HDAC9: variants seen among roughly 807,000 people sequenced by gnomAD.
The protein encoded by HDAC9 is MEF-2 interacting transcription repressor (MITR) protein.
A neutral mutation model predicts 139.4 loss-of-function variants in HDAC9; 41 were observed. The observed-to-expected ratio is 0.29, with a 90% CI of 0.23 to 0.38. HDAC9 has a LOEUF of 0.38. Ranked by LOEUF, HDAC9 falls within the 10% of genes least tolerant of loss-of-function variation. The pLI, the probability that HDAC9 is intolerant of heterozygous loss-of-function variation, is 1.00. For missense variants in HDAC9, 1,147 were observed against 1,297.0 expected, an observed-to-expected ratio of 0.88 and a Z score of 1.78; for synonymous variants, 517 against 476.2, an observed-to-expected ratio of 1.09 and a Z score of -1.12.
intron 1 of HDAC9, among the ~76,000 whole-genome samples, chr7:18,400,732 G>T (rs571621755): frequency 3.3e-5 from 5 of 152,266 alleles, no homozygotes; most frequent in African/African-American, 1.2e-4. Flanking sequence ...GGATAGGAGA[G>T]GCAGAGGAAC....
intron 2 of HDAC9, among the ~76,000 whole-genome samples, chr7:18,255,665 G>A (rs1236670924): frequency 8.5e-6 from 1 of 117,032 alleles, no homozygotes; most frequent in Non-Finnish European, 1.6e-5. Context: ...GTCTCGCCCT[G>A]TTGCCCAGGC....
intron 6 of HDAC9, among the ~76,000 whole-genome samples, chr7:18,614,516 A>T (rs941949164): frequency 6.6e-6 from 1 of 151,858 alleles, no homozygotes; most frequent in African/African-American, 2.4e-5. Flanking sequence ...TTTTTCTTCC[A>T]TAATGCCTAG....
chr7:18,496,398 G>T (rs950337481), intron 2 of HDAC9, 74 bp downstream of exon 2: 27 of 1,316,554 alleles, frequency 2.1e-5, no homozygotes, highest in Non-Finnish European at 2.8e-5. Flanking sequence ...GCTAAGAAAA[G>T]CACCTCTCTT....
intron 2 of HDAC9, among the ~76,000 whole-genome samples, chr7:18,191,986 G>A (rs1358006227): frequency 6.6e-6 from 1 of 152,094 alleles, no homozygotes; most frequent in Non-Finnish European, 1.5e-5. Flanking sequence ...CATAAACAAG[G>A]TCTTTCCCCA....
chr7:18,613,023 TA>T (rs1465748432), intron 6 of HDAC9, among the ~76,000 whole-genome samples: 1 of 149,820 alleles, frequency 6.7e-6, no homozygotes, highest in East Asian at 1.9e-4. Flanking sequence ...TACATGTTTA[TA>T]ATTAGATATA....
At chr7:18,538,198 C>T (rs745464759) in intron 2 of HDAC9, among the ~76,000 whole-genome samples, 1 of 152,156 alleles carries the variant, frequency 6.6e-6, no homozygotes, top group Non-Finnish European at 1.5e-5. Context: ...TCTCACTTTC[C>T]ATTTAGTCCT....
chr7:18,670,257 G>C (rs187272350), intron 12 of HDAC9, among the ~76,000 whole-genome samples: 5 of 152,036 alleles, frequency 3.3e-5, no homozygotes, highest in Admixed American at 6.6e-5. Context: ...ATTGATCATT[G>C]CTTCATCTCT....
chr7:18,959,099 C>T (rs1021318949), intron 24 of HDAC9, among the ~76,000 whole-genome samples: 2 of 152,114 alleles, frequency 1.3e-5, no homozygotes, highest in Non-Finnish European at 1.5e-5. Context: ...CCGTTGAATT[C>T]GTTCACTTTT....
chr7:18,476,763 C>A (rs1269863243), intron 1 of HDAC9, among the ~76,000 whole-genome samples: 2 of 152,124 alleles, frequency 1.3e-5, no homozygotes, highest in African/African-American at 4.8e-5. Flanking sequence ...ATTTTTTCTT[C>A]GTTCTCTGTC....
chr7:18,567,732 T>C (rs1395500807), intron 2 of HDAC9, among the ~76,000 whole-genome samples: 8 of 152,098 alleles, frequency 5.3e-5, no homozygotes, highest in African/African-American at 1.9e-4. Flanking sequence ...CTATCTTGCA[T>C]GAAGCACAAA....
At chr7:18,674,581 G>A (rs551073941) in intron 12 of HDAC9, among the ~76,000 whole-genome samples, 3 of 151,894 alleles carry the variant, frequency 2.0e-5, no homozygotes, top group Non-Finnish European at 2.9e-5. Context: ...GTTCATCATT[G>A]TTCCTAGAGC....
intron 2 of HDAC9, among the ~76,000 whole-genome samples, chr7:18,553,353 A>G (rs1244539688): frequency 6.6e-6 from 1 of 152,172 alleles, no homozygotes; most frequent in Non-Finnish European, 1.5e-5. Flanking sequence ...TCCCCCCTCA[A>G]GAACACTGTG....
chr7:18,914,446 T>C (rs1444719071), intron 22 of HDAC9, among the ~76,000 whole-genome samples: 1 of 151,870 alleles, frequency 6.6e-6, no homozygotes, highest in African/African-American at 2.4e-5. Context: ...ATCTGTACAA[T>C]AGACATAAGT....
At chr7:18,260,381 C>T (rs186494406) in intron 2 of HDAC9, among the ~76,000 whole-genome samples, 7 of 144,616 alleles carry the variant, frequency 4.8e-5, no homozygotes, top group South Asian at 4.3e-4. Flanking sequence ...TGCAGTGGCA[C>T]GATCTCAGCT....
At chr7:18,940,302 C>T (rs2129314000) in intron 23 of HDAC9, among the ~76,000 whole-genome samples, 1 of 152,256 alleles carries the variant, frequency 6.6e-6, no homozygotes, top group South Asian at 2.1e-4. Flanking sequence ...CAAAACATCT[C>T]TTAACTATTC....
In HDAC9 at chr7:18,996,874, A is replaced by T. The variant is rs1786496217; in HGVS notation, c.*812A>T. Reference sequence around the variant, plus strand: ...CACACACATCCTTTGTTCTCATGACAGTAGGTCTGAGCAAATGTTCCACCA... The same window carrying T: ...CACACACATCCTTTGTTCTCATGACTGTAGGTCTGAGCAAATGTTCCACCA... On this transcript the variant is annotated 3_prime_UTR_variant, in exon 26 of 26. Transcript: ENST00000686413. The T allele has an allele frequency of 6.6e-6, 1 of 152,208 alleles. No individual in the cohort carries two copies. The highest frequency in any genetic ancestry group is 2.1e-4 in the South Asian group (1 of 4,832). The allele number at this position is 152,208 out of a possible 1,614,324, so 9.4% of individuals were successfully genotyped here. A position where few individuals can be genotyped will look rare whatever the true frequency, so the allele number is the denominator to read the frequency against.
At chr7:18,381,648 C>A (rs1388012323) in intron 1 of HDAC9, among the ~76,000 whole-genome samples, 3 of 151,910 alleles carry the variant, frequency 2.0e-5, no homozygotes, top group Non-Finnish European at 4.4e-5. Flanking sequence ...ATTCAGTACT[C>A]AAATTTAGAT....
At chr7:18,549,490 T>C (rs1486704464) in intron 2 of HDAC9, among the ~76,000 whole-genome samples, 3 of 152,218 alleles carry the variant, frequency 2.0e-5, no homozygotes, top group African/African-American at 7.2e-5. Flanking sequence ...GAATGTACTG[T>C]TGATACAGAC....
At chr7:18,879,739 G>A (rs951609786) in intron 22 of HDAC9, among the ~76,000 whole-genome samples, 4 of 152,066 alleles carry the variant, frequency 2.6e-5, no homozygotes, top group African/African-American at 9.7e-5. Context: ...TACCGTCCTG[G>A]ACATAGGTAT....
Sources: allele counts gnomAD v4.1 joint callset (sites outside exome capture counted in the v4.1 genomes callset), GRCh38; gene constraint gnomAD v4.1.1; transcripts MANE v1.5; gene names NCBI Gene and HGNC (gene_info 2026-07-23, HGNC 2026-07-21).